NECTIN3: variants seen among roughly 807,000 people sequenced by gnomAD.
The protein encoded by NECTIN3 is nectin cell adhesion molecule 3.
Under a neutral mutation model 49.4 loss-of-function variants are expected in NECTIN3, and 8 were observed. That is an observed-to-expected ratio of 0.16 (90% CI 0.10 to 0.29). The LOEUF is 0.29. Ranked by LOEUF, NECTIN3 falls within the 10% of genes least tolerant of loss-of-function variation. The probability of loss-of-function intolerance (pLI) is 1.00; values close to 1 mark genes in which losing one functional copy is unlikely to be tolerated. For synonymous variants in NECTIN3, 277 were observed against 241.1 expected (o/e 1.15, Z -1.38); for missense variants, 581 against 654.6 (o/e 0.89, Z 1.23).
intron 7 of NECTIN3, among the ~76,000 whole-genome samples, chr3:111,160,531 A>G (rs895588199): frequency 3.3e-5 from 5 of 152,218 alleles, no homozygotes; most frequent in African/African-American, 1.2e-4. Context: ...ATAAGACAGT[A>G]TCTTGCTATT....
chr3:111,145,117 T>C, intron 6 of NECTIN3: 1 of 1,410,754 alleles, frequency 7.1e-7, no homozygotes, highest in Middle Eastern at 1.8e-4. Flanking sequence ...CAGCTCCTCA[T>C]AAAGAACTTA....
At chr3:111,179,361 G>A (rs1318752448) in intron 7 of NECTIN3, among the ~76,000 whole-genome samples, 1 of 152,172 alleles carries the variant, frequency 6.6e-6, no homozygotes, top group Non-Finnish European at 1.5e-5. Context: ...AACAAAGCTA[G>A]CACCCAAGAT....
intron 7 of NECTIN3, among the ~76,000 whole-genome samples, chr3:111,177,713 C>T (rs1318451285): frequency 6.6e-6 from 1 of 152,110 alleles, no homozygotes; most frequent in African/African-American, 2.4e-5. Flanking sequence ...ATTAGGGCAT[C>T]GCATTGAAAA....
intron 3 of NECTIN3, among the ~76,000 whole-genome samples, chr3:111,120,737 C>T (rs1050634606): frequency 1.3e-5 from 2 of 152,040 alleles, no homozygotes; most frequent in Non-Finnish European, 2.9e-5. Context: ...ATGTAGCTCA[C>T]AGAAAGCTAG....
chr3:111,178,999 T>C (rs2035581172), intron 7 of NECTIN3, among the ~76,000 whole-genome samples: 1 of 152,234 alleles, frequency 6.6e-6, no homozygotes, highest in African/African-American at 2.4e-5. Context: ...CTATAAATCT[T>C]GGCTGTAATA....
intron 7 of NECTIN3, among the ~76,000 whole-genome samples, chr3:111,158,622 TG>T (rs560348294): frequency 1.4e-3 from 217 of 152,284 alleles, no homozygotes; most frequent in African/African-American, 4.0e-3. Flanking sequence ...AATTTTACTA[TG>T]GTTATTTCCC....
intron 1 of NECTIN3, among the ~76,000 whole-genome samples, chr3:111,111,530 A>G (rs568872599): frequency 6.6e-5 from 10 of 152,236 alleles, no homozygotes; most frequent in African/African-American, 2.4e-4. Flanking sequence ...CATGTAAAAA[A>G]TTTACCCCAA....
At chr3:111,101,036 C>A (rs1263743517) in intron 1 of NECTIN3, among the ~76,000 whole-genome samples, 2 of 152,074 alleles carry the variant, frequency 1.3e-5, no homozygotes, top group African/African-American at 4.8e-5. Flanking sequence ...CAGGAGGCTG[C>A]TTCTTATCTG....
At chr3:111,159,258 A>C (rs1228169881) in intron 7 of NECTIN3, among the ~76,000 whole-genome samples, 1 of 152,156 alleles carries the variant, frequency 6.6e-6, no homozygotes, top group Admixed American at 6.5e-5. Context: ...TTATAAGTCC[A>C]AACACCAATA....
chr3:111,164,944 A>G (rs1289083029), intron 7 of NECTIN3, among the ~76,000 whole-genome samples: 1 of 152,180 alleles, frequency 6.6e-6, no homozygotes. Context: ...ATGACAAGAC[A>G]TTTCATGCCT....
intron 1 of NECTIN3, among the ~76,000 whole-genome samples, chr3:111,101,292 A>T (rs1400514124): frequency 6.6e-6 from 1 of 152,162 alleles, no homozygotes; most frequent in Non-Finnish European, 1.5e-5. Context: ...GTTTGAGAAT[A>T]GATGATGAAA....
At chr3:111,089,531 A>C (rs1450185384) in intron 1 of NECTIN3, among the ~76,000 whole-genome samples, 1 of 152,030 alleles carries the variant, frequency 6.6e-6, no homozygotes, top group African/African-American at 2.4e-5. Context: ...GAACATTTTG[A>C]AATTTCCGTG....
intron 7 of NECTIN3, among the ~76,000 whole-genome samples, chr3:111,177,472 T>G (rs1490457028): frequency 6.6e-6 from 1 of 152,150 alleles, no homozygotes; most frequent in Admixed American, 6.5e-5. Context: ...TGGAATGATT[T>G]TTGGCATAGC....
chr3:111,193,564 C>G (rs1007284814), intron 1 of NECTIN3: 1 of 634,676 alleles, frequency 1.6e-6, no homozygotes, highest in African/African-American at 1.8e-5. Context: ...CGTTTCTTAA[C>G]CACCAGCTGT....
Sources: allele counts gnomAD v4.1 joint callset (sites outside exome capture counted in the v4.1 genomes callset), GRCh38; gene constraint gnomAD v4.1.1; transcripts MANE v1.5; gene names NCBI Gene and HGNC (gene_info 2026-07-23, HGNC 2026-07-21).